The following GLDC variants were observed in gnomAD, a reference collection of about 807,000 sequenced individuals.
The protein encoded by GLDC is glycine decarboxylase, also known as glycine dehydrogenase (decarboxylating), mitochondrial.
GLDC carries 104 observed loss-of-function variants against 121.3 expected under a neutral mutation model. The observed-to-expected ratio is 0.86, with a 90% CI of 0.73 to 1.01. The LOEUF is 1.01. Ranked by LOEUF, GLDC falls within the 50% of genes least tolerant of loss-of-function variation. GLDC has a pLI of 0.00. For synonymous variants in GLDC, 546 were observed against 480.6 expected, an observed-to-expected ratio of 1.14 and a Z score of -1.78; for missense variants, 1,429 against 1,306.6, an observed-to-expected ratio of 1.09 and a Z score of -1.44.
intron 6 of GLDC, 24 bp downstream of exon 6, chr9:6,605,107 C>A (rs201688117): frequency 8.1e-6 from 13 of 1,608,024 alleles, no homozygotes; most frequent in African/African-American, 6.7e-5. Flanking sequence ...CTCCACGGAC[C>A]CCCCACAAGA....
intron 11 of GLDC, among the ~76,000 whole-genome samples, chr9:6,589,883 C>A (rs1019301280): frequency 1.3e-5 from 2 of 152,012 alleles, no homozygotes; most frequent in African/African-American, 4.8e-5. Context: ...GGTGAAACCC[C>A]GTCTCTACTA....
chr9:6,562,781 G>A (rs988725910), intron 16 of GLDC, among the ~76,000 whole-genome samples: 1 of 152,142 alleles, frequency 6.6e-6, no homozygotes, highest in Non-Finnish European at 1.5e-5. Context: ...GGCTGGTCTT[G>A]AACTCCTGAC....
intron 7 of GLDC, among the ~76,000 whole-genome samples, chr9:6,602,987 G>T (rs1043825935): frequency 3.3e-5 from 5 of 152,002 alleles, no homozygotes; most frequent in Admixed American, 6.6e-5. Context: ...CAGCACTTTG[G>T]GGGGCCAAGG....
At chr9:6,593,930 T>C (rs2129857280) in intron 9 of GLDC, among the ~76,000 whole-genome samples, 1 of 151,832 alleles carries the variant, frequency 6.6e-6, no homozygotes, top group East Asian at 2.0e-4. Context: ...TGACCTCAAG[T>C]GATCCACCCG....
chr9:6,542,310 C>G (rs1817283833), intron 21 of GLDC: 1 of 152,322 alleles, frequency 6.6e-6, no homozygotes. Context: ...GCCATAACAG[C>G]TCACTGCAGC....
At chr9:6,553,572 G>T in intron 19 of GLDC, 63 bp from the exon 20 acceptor site, 2 of 1,521,880 alleles carry the variant, frequency 1.3e-6, no homozygotes, top group South Asian at 1.1e-5. Flanking sequence ...TAATGGGAAG[G>T]TTCTGGGCCC....
chr9:6,553,578 G>C (rs1817559195), intron 19 of GLDC, 69 bp from the exon 20 acceptor site: 1 of 1,483,722 alleles, frequency 6.7e-7, no homozygotes, highest in Non-Finnish European at 9.4e-7. Flanking sequence ...GAAGGTTCTG[G>C]GCCCTCCCAG....
intron 15 of GLDC, among the ~76,000 whole-genome samples, chr9:6,579,410 T>A (rs1454096298): frequency 6.6e-6 from 1 of 152,250 alleles, no homozygotes; most frequent in Non-Finnish European, 1.5e-5. Flanking sequence ...AACTTTTCCC[T>A]CACAGCCTTA....
chr9:6,573,503 A>ATTT lies in GLDC; in HGVS notation c.1851-8075_1851-8074insAAA, dbSNP rs1563842865. ...AAGAATACATTTATGTGATTTTTTAAAAAAAAATCCATCATCAGTGCAGAA... is the reference window on the plus strand; with the variant it reads ...AAGAATACATTTATGTGATTTTTTAATTTAAAAAAATCCATCATCAGTGCAGAA... On this transcript the variant is annotated intron_variant, in intron 15 of 24. Transcript: ENST00000321612. Among the ~76,000 whole-genome samples the ATTT allele has an allele frequency of 2.1e-3, 316 of 152,056 alleles. 1 individual carries two copies. Among genetic ancestry groups the ATTT allele is most frequent in the African/African-American group, 7.0e-3 (289 of 41,450 alleles).
intron 2 of GLDC, among the ~76,000 whole-genome samples, chr9:6,629,835 C>A (rs914690859): frequency 6.7e-6 from 1 of 149,426 alleles, no homozygotes; most frequent in African/African-American, 2.5e-5. Flanking sequence ...ATATGTGCAT[C>A]TGTTTATATA....
chr9:6,538,697 T>C (rs1259360360), intron 22 of GLDC, among the ~76,000 whole-genome samples: 1 of 152,216 alleles, frequency 6.6e-6, no homozygotes, highest in Non-Finnish European at 1.5e-5. Context: ...TGACTTCAGT[T>C]ACCACCTCCC....
intron 8 of GLDC, among the ~76,000 whole-genome samples, chr9:6,597,914 A>G (rs543954805): frequency 6.6e-6 from 1 of 152,032 alleles, no homozygotes; most frequent in African/African-American, 2.4e-5. Flanking sequence ...AGCCTGGGCG[A>G]TGGAGCGAGA....
chr9:6,561,395 TC>T (rs1355300914), intron 16 of GLDC, among the ~76,000 whole-genome samples: 1 of 152,180 alleles, frequency 6.6e-6, no homozygotes, highest in East Asian at 1.9e-4. Context: ...ATGTCTGTAA[TC>T]CCAGCACTTT....
chr9:6,613,531 A>G (rs1818903957), intron 3 of GLDC, among the ~76,000 whole-genome samples: 1 of 152,248 alleles, frequency 6.6e-6, no homozygotes, highest in Non-Finnish European at 1.5e-5. Flanking sequence ...AATGTCTAAC[A>G]TAACATCTTT....
intron 2 of GLDC, among the ~76,000 whole-genome samples, chr9:6,636,219 G>T (rs575801259): frequency 4.0e-5 from 6 of 151,804 alleles, no homozygotes; most frequent in African/African-American, 9.7e-5. Context: ...CAGGAGAATC[G>T]CTTGAACCCA....
intron 12 of GLDC, 52 bp downstream of exon 12, chr9:6,589,143 C>T: frequency 9.2e-7 from 1 of 1,087,894 alleles, no homozygotes; most frequent in Non-Finnish European, 1.4e-6. Context: ...TGCCTAACTC[C>T]CTAGCTGATT....
chr9:6,535,975 G>A, intron 23 of GLDC, 89 bp downstream of exon 23: 4 of 1,092,410 alleles, frequency 3.7e-6, no homozygotes, highest in Non-Finnish European at 5.7e-6. Flanking sequence ...ATCATCCTCA[G>A]TTGAGAGTTC....
intron 21 of GLDC, among the ~76,000 whole-genome samples, chr9:6,546,012 C>T (rs1279322294): frequency 6.6e-6 from 1 of 152,204 alleles, no homozygotes; most frequent in Non-Finnish European, 1.5e-5. Flanking sequence ...ACACTTTAAA[C>T]ACAAATACAT....
In GLDC at chr9:6,587,217, G is replaced by C; in HGVS notation, c.1774C>G (p.Gln592Glu). The change falls in exon 15 of 25, where the codon CAG (glutamine) becomes GAG (glutamate). Residue 592 changes from glutamine to glutamate, a missense_variant. Transcript: ENST00000321612. ...TTCTCAAGCTCTCGGAAAAGCTGCT[G>C]ATATCCTTGAGCTTGATCCAGAGGC... Reference protein sequence around the residue: ...FVPLDQAQGYQQLFRELEKDL... With the variant: ...FVPLDQAQGYEQLFRELEKDL... 6.2e-7 allele frequency: 1 copy of C among 1,613,844 alleles called. No individual in the cohort carries two copies. Among genetic ancestry groups the C allele is most frequent in the Non-Finnish European group, 8.5e-7 (1 of 1,179,724 alleles).
Sources: gnomAD v4.1 joint callset for allele counts (sites outside exome capture counted in the v4.1 genomes callset) on GRCh38, gnomAD v4.1.1 for gene constraint, MANE v1.5 for transcripts, NCBI Gene and HGNC (gene_info 2026-07-23, HGNC 2026-07-21) for gene names.